The following POTEE variants were observed in gnomAD, a reference collection of about 807,000 sequenced individuals.
POTEE encodes POTE ankyrin domain family member E, also known as ANKRD26-like family C member 1A.
POTEE carries 21 observed loss-of-function variants against 74.2 expected under a neutral mutation model. The observed-to-expected ratio is 0.28, with a 90% CI of 0.20 to 0.41. The LOEUF (loss-of-function observed/expected upper bound fraction) is 0.41, where lower values mean the gene tolerates loss of function less well. POTEE is among the 10% of genes least tolerant of loss of function. POTEE has a pLI of 1.00. For synonymous variants in POTEE, 211 were observed against 432.8 expected (o/e 0.49, Z 6.36); for missense variants, 525 against 1,158.6 (o/e 0.45, Z 7.94).
intron 9 of POTEE, among the ~76,000 whole-genome samples, chr2:131,232,059 A>G (rs1254369415): frequency 6.6e-6 from 1 of 151,464 alleles, no homozygotes; most frequent in Non-Finnish European, 1.5e-5. Flanking sequence ...TCACTTGTCC[A>G]CTTAACATAT....
At chr2:131,214,201 C>T (rs1459193169) in intron 2 of POTEE, among the ~76,000 whole-genome samples, 2 of 152,234 alleles carry the variant, frequency 1.3e-5, no homozygotes, top group Non-Finnish European at 2.9e-5. Context: ...CAGACAGGTC[C>T]CTCTCAAAAA....
intron 4 of POTEE, among the ~76,000 whole-genome samples, chr2:131,220,690 A>G (rs1700591725): frequency 6.6e-6 from 1 of 152,096 alleles, no homozygotes; most frequent in Admixed American, 6.5e-5. Flanking sequence ...GGCCGGGTAC[A>G]GTGGCTTACG....
Position 131,218,843 on chromosome 2 carries a change from C to G in POTEE, c.441C>G (p.Ala147=). The G allele has an allele frequency of 1.9e-6, 3 of 1,612,802 alleles. No individual in the cohort carries two copies. The highest frequency in any genetic ancestry group is 8.5e-7 in the Non-Finnish European group (1 of 1,179,900). Residue 147 remains alanine (A), a synonymous_variant, in exon 4 of 18, where the codon GCC becomes GCG. Transcript: ENST00000683005. Reference sequence around the variant, plus strand: ...ATCTGGACAAGCTCCACAGAGCTGCCTGGTGGGGTAAAGTCCCCAGAAAGG... The same window carrying G: ...ATCTGGACAAGCTCCACAGAGCTGCGTGGTGGGGTAAAGTCCCCAGAAAGG... The part of the protein sequence containing the change: ...GEDLDKLHRA[A]WWGKVPRKDL...
intron 4 of POTEE, among the ~76,000 whole-genome samples, chr2:131,222,473 C>A (rs1183769910): frequency 1.3e-5 from 2 of 151,514 alleles, no homozygotes; most frequent in Non-Finnish European, 2.9e-5. Context: ...GGCTTAACAC[C>A]TGAGTAATGA....
rs771613157 is a variant in POTEE at position 131,218,750 on chromosome 2, G to C, written c.348G>C (p.Lys116Asn). 9.9e-6 allele frequency: 16 copies of C among 1,612,660 alleles called. No homozygotes were observed. In the East Asian group the frequency reaches 1.6e-4, roughly 16 times the overall value. Residue 116 changes from lysine (K) to asparagine (N), a missense_variant, in exon 4 of 18, where the codon AAG (lysine) becomes AAC (asparagine). Lys to Asn is a moderately conservative substitution (Grantham distance 94). Coordinates refer to ENST00000683005, the MANE Select transcript of POTEE (RefSeq NM_001083538.3). ...FPCCRGSGKS[K>N]VGAWGDYDDS... ...GCTGCAGGGGGAGCGGCAAGAGCAA[G>C]GTGGGCGCTTGGGGAGACTACGATG...
intron 2 of POTEE, among the ~76,000 whole-genome samples, chr2:131,213,442 A>G (rs1488227127): frequency 6.6e-6 from 1 of 151,928 alleles, no homozygotes; most frequent in African/African-American, 2.4e-5. Context: ...AGAAATGTGT[A>G]AGGCCTATAA....
chr2:131,230,260 A>G (rs1180489554), intron 8 of POTEE, among the ~76,000 whole-genome samples: 3 of 152,220 alleles, frequency 2.0e-5, no homozygotes, highest in Admixed American at 6.5e-5. Context: ...AAGCAAAATT[A>G]GGACTTAATA....
At chr2:131,219,579 TA>T (rs930012447) in intron 4 of POTEE, among the ~76,000 whole-genome samples, 3 of 151,814 alleles carry the variant, frequency 2.0e-5, no homozygotes, top group African/African-American at 7.3e-5. Flanking sequence ...CTAAAAAATA[TA>T]AAAAAAATTA....
At chr2:131,221,174 T>G (rs1396348995) in intron 4 of POTEE, among the ~76,000 whole-genome samples, 13 of 152,254 alleles carry the variant, frequency 8.5e-5, no homozygotes, top group East Asian at 1.9e-4. Flanking sequence ...ACCAAATAGA[T>G]GTCTGTTTTT....
At chr2:131,211,730 G>C (rs1700364345) in intron 2 of POTEE, among the ~76,000 whole-genome samples, 1 of 151,164 alleles carries the variant, frequency 6.6e-6, no homozygotes, top group African/African-American at 2.4e-5. Flanking sequence ...TTTTATTTTT[G>C]TATTTTTAGT....
At chr2:131,262,768 A>G (rs1215158845) in intron 17 of POTEE, among the ~76,000 whole-genome samples, 2 of 152,288 alleles carry the variant, frequency 1.3e-5, no homozygotes, top group African/African-American at 4.8e-5. Context: ...AGAAGGGTAC[A>G]GTGCTTAGAT....
chr2:131,212,333 G>A (rs527871053), intron 2 of POTEE, among the ~76,000 whole-genome samples: 182 of 151,346 alleles, frequency 1.2e-3, no homozygotes, highest in African/African-American at 4.1e-3. Context: ...TTTTTCACTC[G>A]TGCAAAAATT....
chr2:131,218,738 C>A lies in POTEE; in HGVS notation c.336C>A (p.Ser112Arg), dbSNP rs569338535. Residue 112 changes from serine to arginine, a missense_variant, in exon 4 of 18, where the codon AGC becomes AGA. By Grantham distance (110) the Ser-to-Arg change is moderately radical. Coordinates refer to ENST00000683005, the MANE Select transcript of POTEE (RefSeq NM_001083538.3). ...CCHCFPCCRG[S>R]GKSKVGAWGD... ...ACTGCTTCCCCTGCTGCAGGGGGAG[C>A]GGCAAGAGCAAGGTGGGCGCTTGGG... 1.6e-5 allele frequency: 26 copies of A among 1,610,018 alleles called. No individual in the cohort carries two copies. Among genetic ancestry groups the A allele is most frequent in the Non-Finnish European group, 2.1e-5 (25 of 1,177,976 alleles).
intron 6 of POTEE, among the ~76,000 whole-genome samples, chr2:131,225,060 C>T (rs1299678356): frequency 6.6e-6 from 1 of 152,136 alleles, no homozygotes; most frequent in Admixed American, 6.5e-5. Context: ...GCCAAATCTT[C>T]AAATGAGAAA....
At chr2:131,215,336 GATT>G (rs1192043351) in intron 2 of POTEE, among the ~76,000 whole-genome samples, 1 of 152,066 alleles carries the variant, frequency 6.6e-6, no homozygotes, top group African/African-American at 2.4e-5. Context: ...ATGCAATTAG[GATT>G]ATTTTTATAC....
intron 13 of POTEE, among the ~76,000 whole-genome samples, chr2:131,246,374 A>AT (rs1559194621): frequency 7.0e-6 from 1 of 142,472 alleles, no homozygotes; most frequent in South Asian, 2.3e-4. Flanking sequence ...AGTAACAAAA[A>AT]TGCTAGTATG....
Position 131,228,010 on chromosome 2 carries a change from T to A in POTEE, c.918-234T>A, listed in dbSNP as rs556169859. On this transcript the variant is annotated intron_variant, in intron 7 of 17. Coordinates refer to ENST00000683005, the MANE Select transcript of POTEE (RefSeq NM_001083538.3). ...TCTTGCCCATCAAAGGACTTTAAAT[T>A]AGTAGCTTCTGCTATGCAATACCCC... Among the ~76,000 whole-genome samples, 5 of 150,872 alleles carry A rather than the reference T, an allele frequency of 3.3e-5. No homozygotes were observed. The East Asian group carries it at 9.8e-4, about 30-fold the overall frequency.
chr2:131,229,117 A>G (rs752209044), intron 8 of POTEE, among the ~76,000 whole-genome samples: 4 of 150,960 alleles, frequency 2.6e-5, no homozygotes, highest in South Asian at 2.1e-4. Context: ...ACCCTTCCCC[A>G]CATATTCAGA....
Position 131,264,910 on chromosome 2 carries a change from T to C in POTEE, c.*227T>C. ...TGTTGCCAAGGACTTTGATTGTACA[T>C]TGTTCTTCTTTTCAATAGTCATTCC... On this transcript the variant is annotated 3_prime_UTR_variant, in exon 18 of 18. Transcript: ENST00000683005. 2.6e-6 allele frequency: 2 copies of C among 764,146 alleles called. No individual in the cohort carries two copies. Among genetic ancestry groups the C allele is most frequent in the Middle Eastern group, 3.8e-4 (1 of 2,630 alleles). The allele number at this position is 764,146 out of a possible 1,614,324, so 47.3% of individuals were successfully genotyped here.
Sources: gnomAD v4.1 joint callset for allele counts (sites outside exome capture counted in the v4.1 genomes callset) on GRCh38, gnomAD v4.1.1 for gene constraint, MANE v1.5 for transcripts, NCBI Gene and HGNC (gene_info 2026-07-23, HGNC 2026-07-21) for gene names.